The following AUH variants were observed in gnomAD, a reference collection of about 807,000 sequenced individuals.
The protein encoded by AUH is methylglutaconyl-CoA hydratase, mitochondrial.
In AUH, 29 loss-of-function variants were observed where a neutral mutation model predicts 42.3. That is an observed-to-expected ratio of 0.69 (90% CI 0.51 to 0.93). The LOEUF is 0.93. AUH is among the 40% of genes least tolerant of loss of function. AUH has a pLI of 0.00. For missense variants in AUH, 452 were observed against 438.1 expected (o/e 1.03, Z -0.28); for synonymous variants, 174 against 166.4 (o/e 1.05, Z -0.35).
chr9:91,267,988 G>A (rs557957310), intron 6 of AUH, among the ~76,000 whole-genome samples: 60 of 152,100 alleles, frequency 3.9e-4, no homozygotes, highest in Non-Finnish European at 6.2e-4. Context: ...CTAACTTCCA[G>A]TTTCAGCTAC....
intron 6 of AUH, among the ~76,000 whole-genome samples, chr9:91,264,066 C>G (rs1225474797): frequency 6.6e-6 from 1 of 152,108 alleles, no homozygotes; most frequent in Non-Finnish European, 1.5e-5. Flanking sequence ...AAGACTTTAT[C>G]ACAGACTAGC....
chr9:91,334,673 A>G (rs1830574456), intron 3 of AUH, among the ~76,000 whole-genome samples: 1 of 152,124 alleles, frequency 6.6e-6, no homozygotes, highest in African/African-American at 2.4e-5. Context: ...ACCCTAATAC[A>G]CTTATTAAAT....
intron 6 of AUH, among the ~76,000 whole-genome samples, chr9:91,256,501 G>A (rs1214462029): frequency 6.6e-6 from 1 of 151,948 alleles, no homozygotes; most frequent in Non-Finnish European, 1.5e-5. Flanking sequence ...TATGCATTAC[G>A]GACACGGAGA....
chr9:91,265,391 C>T (rs1464958802), intron 6 of AUH, among the ~76,000 whole-genome samples: 1 of 151,496 alleles, frequency 6.6e-6, no homozygotes, highest in African/African-American at 2.4e-5. Flanking sequence ...AACCTAATAG[C>T]TCTTTTTTGT....
chr9:91,343,208 A>T (rs975760521), intron 3 of AUH: 3 of 152,252 alleles, frequency 2.0e-5, no homozygotes, highest in African/African-American at 7.2e-5. Context: ...CATCTCTCCT[A>T]ACCTCTCATG....
chr9:91,343,636 T>C (rs1487121128), intron 3 of AUH, among the ~76,000 whole-genome samples: 1 of 152,080 alleles, frequency 6.6e-6, no homozygotes, highest in African/African-American at 2.4e-5. Flanking sequence ...TGGTGGTGCA[T>C]GCCTGTAATC....
intron 6 of AUH, among the ~76,000 whole-genome samples, chr9:91,242,175 A>C (rs1374186804): frequency 6.6e-6 from 1 of 152,166 alleles, no homozygotes; most frequent in Non-Finnish European, 1.5e-5. Flanking sequence ...GTCTTTTTAC[A>C]ACCTATCTGA....
intron 6 of AUH, among the ~76,000 whole-genome samples, chr9:91,285,218 C>T (rs1318234308): frequency 6.6e-6 from 1 of 151,874 alleles, no homozygotes; most frequent in Non-Finnish European, 1.5e-5. Context: ...GGACAAAAAA[C>T]CAAACACCAC....
chr9:91,356,221 A>C, intron 1 of AUH, 66 bp from the exon 2 acceptor site: 1 of 1,257,208 alleles, frequency 8.0e-7, no homozygotes, highest in Non-Finnish European at 1.2e-6. Context: ...CAGACTCTAC[A>C]TCACACATCT....
chr9:91,277,237 TC>T (rs900386489), intron 6 of AUH, among the ~76,000 whole-genome samples: 8 of 152,126 alleles, frequency 5.3e-5, no homozygotes, highest in Non-Finnish European at 1.0e-4. Context: ...AAAATACCAT[TC>T]CAATTTAAGC....
rs1430449368 is a variant in AUH at position 91,325,311 on chromosome 9, T to C, written c.505+7A>G. ...GCATGCTGAAAGAAGAACTTAATAGTGCTTACCAATATCGTTAATCACTGC... is the reference window on the plus strand; with the variant it reads ...GCATGCTGAAAGAAGAACTTAATAGCGCTTACCAATATCGTTAATCACTGC... On this transcript the variant is annotated splice_region_variant and intron_variant, in intron 4 of 9. Transcript: ENST00000375731. 4 of 1,612,128 alleles carry C rather than the reference T, an allele frequency of 2.5e-6. No homozygotes were observed. The highest frequency in any genetic ancestry group is 1.3e-5 in the African/African-American group (1 of 74,886).
intron 4 of AUH, among the ~76,000 whole-genome samples, chr9:91,323,757 A>G (rs1829767412): frequency 6.6e-6 from 1 of 152,192 alleles, no homozygotes; most frequent in Non-Finnish European, 1.5e-5. Flanking sequence ...AAAAAAAGAT[A>G]TAAGACCAAG....
chr9:91,250,620 T>C (rs1446530281), intron 6 of AUH, among the ~76,000 whole-genome samples: 1 of 152,242 alleles, frequency 6.6e-6, no homozygotes, highest in Non-Finnish European at 1.5e-5. Context: ...GTAATCTGCA[T>C]ACCCGTATTT....
intron 7 of AUH, 56 bp from the exon 8 acceptor site, chr9:91,217,383 T>C: frequency 6.5e-7 from 1 of 1,543,202 alleles, no homozygotes; most frequent in South Asian, 1.1e-5. Flanking sequence ...AATTATGTCG[T>C]ATATCTCAGT....
chr9:91,335,159 T>C (rs893410018), intron 3 of AUH, among the ~76,000 whole-genome samples: 3 of 152,340 alleles, frequency 2.0e-5, no homozygotes, highest in African/African-American at 4.8e-5. Flanking sequence ...GCTCCATGAA[T>C]GCTTAGGTGT....
At chr9:91,284,245 A>G (rs1228866828) in intron 6 of AUH, among the ~76,000 whole-genome samples, 1 of 152,208 alleles carries the variant, frequency 6.6e-6, no homozygotes, top group Non-Finnish European at 1.5e-5. Context: ...GGTGCTGGGA[A>G]AACTGGCTAG....
At position 91,221,716 on chromosome 9, in the gene AUH, A is replaced by G. The variant is rs114079740; in HGVS notation, c.656-724T>C. On this transcript the variant is annotated intron_variant, in intron 6 of 9. Coordinates refer to ENST00000375731, the MANE Select transcript of AUH (RefSeq NM_001698.3). ...GGGAGTTCATTAACTCTTCAACTCC[A>G]AGGGAAAACAGTGGGTATATTAGCA... Among the ~76,000 whole-genome samples the G allele has an allele frequency of 3.7e-3, 563 of 152,344 alleles. 4 individuals are homozygous for G. The highest frequency in any genetic ancestry group is 0.013 in the African/African-American group (535 of 41,586).
rs1827108205 is a variant in AUH, at chr9:91,221,062, A to G, written c.656-70T>C. Reference sequence around the variant, plus strand: ...TAGTTTTAACACTTCAGTGTTTCATATCTTCATTTATAAAAATAAACCAGG... The same window carrying G: ...TAGTTTTAACACTTCAGTGTTTCATGTCTTCATTTATAAAAATAAACCAGG... On this transcript the variant is annotated intron_variant, in intron 6 of 9. Coordinates refer to ENST00000375731, the MANE Select transcript of AUH (RefSeq NM_001698.3). 4.0e-6 allele frequency: 6 copies of G among 1,518,092 alleles called. No individual in the cohort carries two copies. In the African/African-American group the frequency reaches 5.5e-5, roughly 14 times the overall value. 94.0% of individuals were successfully genotyped at this position (1,518,092 alleles called of 1,614,324 possible). A position where few individuals can be genotyped will look rare whatever the true frequency, so the allele number is the denominator to read the frequency against.
chr9:91,294,177 A>G (rs1587794690), intron 6 of AUH, among the ~76,000 whole-genome samples: 2 of 152,232 alleles, frequency 1.3e-5, no homozygotes, highest in East Asian at 3.8e-4. Flanking sequence ...AAGGAGATGA[A>G]TGTTGTTTTC....
Sources: allele counts gnomAD v4.1 joint callset (sites outside exome capture counted in the v4.1 genomes callset), GRCh38; gene constraint gnomAD v4.1.1; transcripts MANE v1.5; gene names NCBI Gene and HGNC (gene_info 2026-07-23, HGNC 2026-07-21).